Variants in SHC4 observed in about 807,000 individuals in gnomAD.
The protein encoded by SHC4 is SHC-transforming protein 4.
Under a neutral mutation model 69.4 loss-of-function variants are expected in SHC4, and 41 were observed. That is an observed-to-expected ratio of 0.59 (90% CI 0.46 to 0.77). SHC4 has a LOEUF of 0.77. Ranked by LOEUF, SHC4 falls within the 30% of genes least tolerant of loss-of-function variation. The pLI is 0.00. For missense variants in SHC4, 777 were observed against 783.8 expected, an observed-to-expected ratio of 0.99 and a Z score of 0.10; for synonymous variants, 318 against 299.3, an observed-to-expected ratio of 1.06 and a Z score of -0.64.
At chr15:48,919,022 G>A (rs1237973962) in intron 2 of SHC4, among the ~76,000 whole-genome samples, 1 of 152,040 alleles carries the variant, frequency 6.6e-6, no homozygotes, top group Non-Finnish European at 1.5e-5. Flanking sequence ...AGCTGGGATG[G>A]GGACAGGATT....
chr15:48,935,705 G>C (rs1396886178), intron 1 of SHC4, among the ~76,000 whole-genome samples: 1 of 152,062 alleles, frequency 6.6e-6, no homozygotes, highest in Non-Finnish European at 1.5e-5. Context: ...ACCTGGGCAG[G>C]GTTTTGAAGA....
At position 48,856,116 on chromosome 15, in the gene SHC4, A is replaced by C. The variant is rs1279943957; in HGVS notation, c.1079T>G (p.Val360Gly). 1.2e-6 allele frequency: 2 copies of C among 1,612,270 alleles called. No homozygotes were observed. Among genetic ancestry groups the C allele is most frequent in the Non-Finnish European group, 1.7e-6 (2 of 1,179,130 alleles). ...SLNTSCESEE[V>G]HIDSHAEERE... ...CTCCTCGGCATGGCTATCAATATGCACCTCCTCACTGTGAAGGAAAAAAGA... is the reference window on the plus strand; with the variant it reads ...CTCCTCGGCATGGCTATCAATATGCCCCTCCTCACTGTGAAGGAAAAAAGA... Residue 360 changes from valine (V) to glycine (G), a missense_variant, in exon 8 of 12, where the codon GTG becomes GGG. Transcript: ENST00000332408.
chr15:48,850,154 G>A (rs1479483856), intron 9 of SHC4, among the ~76,000 whole-genome samples: 2 of 152,164 alleles, frequency 1.3e-5, no homozygotes, highest in Non-Finnish European at 2.9e-5. Flanking sequence ...AGTGAGCCGA[G>A]GTTGCGCCAT....
chr15:48,949,253 C>T (rs1298583743), intron 1 of SHC4, among the ~76,000 whole-genome samples: 5 of 151,944 alleles, frequency 3.3e-5, no homozygotes, highest in African/African-American at 1.2e-4. Flanking sequence ...CGCCTGTAGT[C>T]CCAGCTACTT....
At chr15:48,938,803 C>G (rs1901121695) in intron 1 of SHC4, among the ~76,000 whole-genome samples, 1 of 152,188 alleles carries the variant, frequency 6.6e-6, no homozygotes, top group African/African-American at 2.4e-5. Context: ...ATGACCTGCC[C>G]TATCCTGACT....
At chr15:48,913,759 C>T (rs1395866020) in intron 2 of SHC4, among the ~76,000 whole-genome samples, 1 of 152,168 alleles carries the variant, frequency 6.6e-6, no homozygotes, top group African/African-American at 2.4e-5. Context: ...GGGGGCCCAG[C>T]GAGCTCCCAG....
intron 10 of SHC4, among the ~76,000 whole-genome samples, chr15:48,838,456 T>A (rs7171723): frequency 6.6e-6 from 1 of 152,078 alleles, no homozygotes; most frequent in Non-Finnish European, 1.5e-5. Flanking sequence ...GTATGAAAAC[T>A]CTAAAATAAA....
chr15:48,876,736 G>C, intron 4 of SHC4: 1 of 483,996 alleles, frequency 2.1e-6, no homozygotes, highest in South Asian at 2.9e-5. Context: ...TTATATTCTA[G>C]CCAAGCTGGC....
rs760937070 is a variant in SHC4 at position 48,835,028 on chromosome 15, G to A, written c.1484-6C>T. The A allele has an allele frequency of 1.2e-6, 2 of 1,606,408 alleles. No individual in the cohort carries two copies. The highest frequency in any genetic ancestry group is 1.7e-5 in the Admixed American group (1 of 59,302). On this transcript the variant is annotated splice_polypyrimidine_tract_variant and splice_region_variant and intron_variant, in intron 10 of 11. Transcript: ENST00000332408. Reference sequence around the variant, plus strand: ...CTGAACAGTTTCTGGTGCCTCTGAAGTCAGAACACAAAGAGAGACATCATC... The same window carrying A: ...CTGAACAGTTTCTGGTGCCTCTGAAATCAGAACACAAAGAGAGACATCATC...
At chr15:48,960,363 C>T (rs1209363737) in intron 1 of SHC4, among the ~76,000 whole-genome samples, 1 of 152,098 alleles carries the variant, frequency 6.6e-6, no homozygotes, top group Non-Finnish European at 1.5e-5. Context: ...GCAGAGAGCC[C>T]AGGTTTGGAG....
intron 1 of SHC4, among the ~76,000 whole-genome samples, chr15:48,960,824 C>A (rs548526899): frequency 6.6e-6 from 1 of 152,208 alleles, no homozygotes; most frequent in East Asian, 1.9e-4. Context: ...TCCTAATTTA[C>A]TCTGCTTCAG....
intron 2 of SHC4, among the ~76,000 whole-genome samples, chr15:48,891,473 T>C (rs770533856): frequency 5.9e-5 from 9 of 152,238 alleles, no homozygotes; most frequent in Non-Finnish European, 1.2e-4. Flanking sequence ...TGCTCCTTAA[T>C]GGAAGTGGTG....
chr15:48,851,285 T>C (rs780010351), intron 8 of SHC4, 37 bp from the exon 9 acceptor site: 4 of 1,603,210 alleles, frequency 2.5e-6, no homozygotes, highest in African/African-American at 1.3e-5. Context: ...TTTACAAACA[T>C]AGTACACATT....
intron 2 of SHC4, 41 bp from the exon 3 acceptor site, chr15:48,890,852 A>G (rs1052481745): frequency 6.3e-7 from 1 of 1,594,606 alleles, no homozygotes; most frequent in African/African-American, 1.3e-5. Flanking sequence ...TTAGCATACT[A>G]CCTCCACACA....
intron 4 of SHC4, chr15:48,879,319 A>G (rs1899894005): frequency 1.2e-5 from 2 of 167,246 alleles, no homozygotes; most frequent in African/African-American, 4.8e-5. Context: ...TTTGTATCTT[A>G]AGATGTGTTT....
At chr15:48,845,624 G>A (rs1899074658) in intron 9 of SHC4, among the ~76,000 whole-genome samples, 1 of 152,150 alleles carries the variant, frequency 6.6e-6, no homozygotes, top group Non-Finnish European at 1.5e-5. Flanking sequence ...GCTGCATTAG[G>A]AGCTTATAAA....
At position 48,963,875 on chromosome 15, in the gene SHC4, C is replaced by A. The variant is rs563478464; in HGVS notation, c.-860G>T. ...TGAAATTTTTATGAATGAACTTTGCCGAATGAATTTCTCTGTGTGTGTGCA... is the reference window on the plus strand; with the variant it reads ...TGAAATTTTTATGAATGAACTTTGCAGAATGAATTTCTCTGTGTGTGTGCA... On this transcript the variant is annotated 5_prime_UTR_variant, in exon 1 of 12. Transcript: ENST00000332408. Among the ~76,000 whole-genome samples the A allele has an allele frequency of 1.8e-4, 27 of 152,110 alleles. No individual in the cohort carries two copies. Among genetic ancestry groups the A allele is most frequent in the Non-Finnish European group, 3.7e-4 (25 of 68,032 alleles).
chr15:48,909,767 G>A (rs370635617), intron 2 of SHC4, among the ~76,000 whole-genome samples: 33 of 152,286 alleles, frequency 2.2e-4, no homozygotes, highest in East Asian at 1.2e-3. Flanking sequence ...ATGATAAAGC[G>A]TTGCTGGATT....
chr15:48,856,531 C>A (rs1266350835), intron 7 of SHC4, among the ~76,000 whole-genome samples: 9 of 151,678 alleles, frequency 5.9e-5, no homozygotes, highest in Non-Finnish European at 1.3e-4. Context: ...AAATATTGTT[C>A]TTCGGGTATA....
Sources: allele counts gnomAD v4.1 joint callset (sites outside exome capture counted in the v4.1 genomes callset), GRCh38; gene constraint gnomAD v4.1.1; transcripts MANE v1.5; gene names NCBI Gene and HGNC (gene_info 2026-07-23, HGNC 2026-07-21).